Variants in EYA1 observed in about 807,000 individuals in gnomAD.
EYA1 encodes protein phosphatase EYA1.
In EYA1, 16 loss-of-function variants were observed where a neutral mutation model predicts 82.0. The ratio of observed to expected loss-of-function variants is 0.20; its 90% CI spans 0.13 to 0.30. EYA1 has a LOEUF of 0.30. Ranked by LOEUF, EYA1 falls within the 10% of genes least tolerant of loss-of-function variation. The pLI is 1.00. For synonymous variants in EYA1, 261 were observed against 264.4 expected (o/e 0.99, Z 0.12); for missense variants, 633 against 730.7 (o/e 0.87, Z 1.54).
intron 9 of EYA1, among the ~76,000 whole-genome samples, chr8:71,288,532 C>T (rs1818642901): frequency 6.6e-6 from 1 of 152,202 alleles, no homozygotes; most frequent in South Asian, 2.1e-4. Flanking sequence ...GCAAAAGAAT[C>T]TATACAGTCG....
chr8:71,393,545 G>A (rs947989248), intron 2 of EYA1, among the ~76,000 whole-genome samples: 9 of 152,154 alleles, frequency 5.9e-5, no homozygotes, highest in Non-Finnish European at 1.2e-4. Flanking sequence ...AACATGTGGT[G>A]TTTGGTTTTC....
At chr8:71,319,287 C>G (rs543030548) in intron 6 of EYA1, among the ~76,000 whole-genome samples, 2 of 152,066 alleles carry the variant, frequency 1.3e-5, no homozygotes, top group African/African-American at 4.8e-5. Context: ...CCCGCCACCA[C>G]GCCTGGCTAA....
upstream of EYA1, among the ~76,000 whole-genome samples, chr8:71,364,597 G>A (rs1042188306): frequency 6.6e-6 from 1 of 151,926 alleles, no homozygotes; most frequent in Admixed American, 6.6e-5. Context: ...CTAGTAAAAG[G>A]TGATAGAAGA....
intron 3 of EYA1, among the ~76,000 whole-genome samples, chr8:71,351,882 C>G (rs965719589): frequency 6.6e-6 from 1 of 152,148 alleles, no homozygotes; most frequent in Non-Finnish European, 1.5e-5. Context: ...AAAAATAACT[C>G]TGAGTGAAAA....
intron 12 of EYA1, among the ~76,000 whole-genome samples, chr8:71,240,487 G>A (rs945056806): frequency 1.3e-5 from 2 of 152,118 alleles, no homozygotes; most frequent in Admixed American, 6.6e-5. Context: ...CGGGGTGAGC[G>A]TGGTATGTGC....
chr8:71,306,070 C>T (rs937229358), intron 7 of EYA1, among the ~76,000 whole-genome samples: 1 of 152,310 alleles, frequency 6.6e-6, no homozygotes, highest in Non-Finnish European at 1.5e-5. Flanking sequence ...CATCACCCAC[C>T]CAGGTGTCAC....
chr8:71,244,625 T>A lies in EYA1; in HGVS notation c.1118A>T (p.His373Leu). 1 of 1,603,428 alleles carries A rather than the reference T, an allele frequency of 6.2e-7. No homozygotes were observed. Among genetic ancestry groups the A allele is most frequent in the East Asian group, 2.2e-5 (1 of 44,682 alleles). ...TACTTCTAAGTCATTAAAAAATAAATGTGTGTCTGCCAAGTTGAAAATCAT... is the reference window on the plus strand; with the variant it reads ...TACTTCTAAGTCATTAAAAAATAAAAGTGTGTCTGCCAAGTTGAAAATCAT... ...EEMIFNLADTHLFFNDLEECD... is the reference protein window; with the variant it reads ...EEMIFNLADTLLFFNDLEECD... The change falls in exon 12 of 18, where the codon CAT becomes CTT. Residue 373 changes from histidine to leucine, a missense_variant. His to Leu is a moderately conservative substitution (Grantham distance 99, BLOSUM62 -3). Transcript: ENST00000340726.
At chr8:71,522,368 C>T (rs1184019131) in intron 2 of EYA1, among the ~76,000 whole-genome samples, 1 of 152,120 alleles carries the variant, frequency 6.6e-6, no homozygotes, top group Non-Finnish European at 1.5e-5. Flanking sequence ...AGATTATCAC[C>T]AAGCAGTAAT....
At chr8:71,462,931 C>T (rs1040234249) in intron 2 of EYA1, among the ~76,000 whole-genome samples, 8 of 152,148 alleles carry the variant, frequency 5.3e-5, no homozygotes, top group East Asian at 1.9e-4. Flanking sequence ...TGGATATCCC[C>T]GCCACTGCCA....
intron 11 of EYA1, among the ~76,000 whole-genome samples, chr8:71,260,736 C>T (rs1179537819): frequency 6.6e-6 from 1 of 152,150 alleles, no homozygotes; most frequent in Non-Finnish European, 1.5e-5. Flanking sequence ...GCCTCCCTGG[C>T]AAGCAATTAC....
intron 4 of EYA1, among the ~76,000 whole-genome samples, chr8:71,333,180 A>G (rs1467549110): frequency 1.3e-5 from 2 of 152,258 alleles, no homozygotes; most frequent in East Asian, 3.8e-4. Flanking sequence ...TAAATGTTTT[A>G]GGAAAGAACA....
In EYA1 at chr8:71,216,843, G is replaced by A. The variant is rs773008757; in HGVS notation, c.1209C>T (p.Asn403=). The part of the protein sequence containing the change: ...DDNGQDLSTY[N]FGTDGFPAAA... ...CAGCAGGAAAGCCATCTGTTCCAAA[G>A]TTATATGTGCTATTTATATGCAAGA... The change falls in exon 14 of 18, where the codon AAC becomes AAT. Residue 403 remains asparagine, a synonymous_variant. Transcript: ENST00000340726. 6.2e-7 allele frequency: 1 copy of A among 1,614,094 alleles called. No homozygotes were observed.
chr8:71,252,355 T>A (rs1325304585), intron 11 of EYA1, among the ~76,000 whole-genome samples: 1 of 151,968 alleles, frequency 6.6e-6, no homozygotes, highest in East Asian at 2.0e-4. Flanking sequence ...GTAAAGGTAT[T>A]CCTTTACAAC....
intron 9 of EYA1, among the ~76,000 whole-genome samples, chr8:71,298,174 A>T (rs1819792748): frequency 6.6e-6 from 1 of 152,198 alleles, no homozygotes; most frequent in Non-Finnish European, 1.5e-5. Flanking sequence ...CTATGATTAT[A>T]ATATCAGAGA....
chr8:71,207,521 T>C (rs913497789), intron 17 of EYA1, among the ~76,000 whole-genome samples: 3 of 152,236 alleles, frequency 2.0e-5, no homozygotes, highest in Admixed American at 1.3e-4. Flanking sequence ...TTGCAGCAGA[T>C]ATTTTTGGAC....
chr8:71,332,399 C>T (rs1445399), intron 4 of EYA1, among the ~76,000 whole-genome samples: 2,592 of 152,188 alleles, frequency 0.017, 71 homozygotes, highest in African/African-American at 0.06. Context: ...CTTTGTCAAC[C>T]GTGCTCCTCT....
At chr8:71,201,238 GAA>G (rs201243130) in intron 17 of EYA1, among the ~76,000 whole-genome samples, 1 of 135,582 alleles carries the variant, frequency 7.4e-6, no homozygotes, top group South Asian at 2.4e-4. Flanking sequence ...AAAAAAAAAA[GAA>G]AAAAAAAAAC....
chr8:71,362,926 A>G (rs1049327731), upstream of EYA1, among the ~76,000 whole-genome samples: 5 of 152,360 alleles, frequency 3.3e-5, 1 homozygote, highest in East Asian at 3.9e-4. Context: ...GTTGATTTCA[A>G]ATATTCAAAG....
chr8:71,251,457 C>A (rs747331400), intron 11 of EYA1, among the ~76,000 whole-genome samples: 59 of 152,076 alleles, frequency 3.9e-4, no homozygotes, highest in Non-Finnish European at 6.5e-4. Flanking sequence ...AACCCTGCTC[C>A]GAAATTATTT....
Sources: gnomAD v4.1 joint callset for allele counts (sites outside exome capture counted in the v4.1 genomes callset) on GRCh38, gnomAD v4.1.1 for gene constraint, MANE v1.5 for transcripts, NCBI Gene and HGNC (gene_info 2026-07-23, HGNC 2026-07-21) for gene names.